Variants in PLAGL1 observed in about 807,000 individuals in gnomAD.
PLAGL1 encodes the protein zinc finger protein PLAGL1.
Under a neutral mutation model 4.6 loss-of-function variants are expected in PLAGL1, and 1 was observed. The ratio of observed to expected loss-of-function variants is 0.22; its 90% confidence interval spans 0.08 to 1.03. The LOEUF is 1.03. Ranked by LOEUF, PLAGL1 falls within the 50% of genes least tolerant of loss-of-function variation. PLAGL1 has a pLI of 0.58. For missense variants in PLAGL1, 464 were observed against 570.4 expected, an observed-to-expected ratio of 0.81 and a Z score of 1.90; for synonymous variants, 240 against 237.8, an observed-to-expected ratio of 1.01 and a Z score of -0.08.
chr6:143,997,387 C>T lies in PLAGL1; in HGVS notation c.-584+10703G>A, dbSNP rs543595852. Among the ~76,000 whole-genome samples, 113 of 152,248 alleles carry T rather than the reference C, an allele frequency of 7.4e-4. 1 individual carries two copies. Among genetic ancestry groups the T allele is most frequent in the African/African-American group, 2.4e-3 (98 of 41,564 alleles). On this transcript the variant is annotated intron_variant, in intron 1 of 7. Coordinates refer to ENST00000674357, the MANE Select transcript of PLAGL1 (RefSeq NM_001317162.2). The surrounding 1 kb of genome is among the most constrained non-coding windows in gnomAD (Gnocchi z 4.6). ...CCCAAACTAGAACACACCCACATAG[C>T]TATTTACAAAATGGATAAACAAATT...
In PLAGL1 at chr6:144,036,763, C is replaced by A; in HGVS notation, c.-151+27705G>T. The A allele has an allele frequency of 6.0e-6, 2 of 330,690 alleles. No homozygotes were observed. Among genetic ancestry groups the A allele is most frequent in the South Asian group, 4.9e-5 (2 of 41,136 alleles). The allele number at this position is 330,690 out of a possible 1,614,324, so 20.5% of individuals were successfully genotyped here. On this transcript the variant is annotated intron_variant, in intron 1 of 3. Coordinates refer to the PLAGL1 transcript ENST00000437412. The surrounding 1 kb of genome is among the most constrained non-coding windows in gnomAD (Gnocchi z 5.1). The stretch of plus-strand genomic sequence containing the variant: ...ATTGTGCAACTTCCAGAAAACTGCT[C>A]TAAGACAAGCAAGAAGGCAGACCTG...
At chr6:143,999,946 T>G (rs1454588450) in intron 1 of PLAGL1, among the ~76,000 whole-genome samples, 2 of 152,158 alleles carry the variant, frequency 1.3e-5, no homozygotes, top group African/African-American at 4.8e-5. Flanking sequence ...CAGTTGTACC[T>G]AAATTTAAAG....
intron 2 of PLAGL1, among the ~76,000 whole-genome samples, chr6:143,977,087 C>CA (rs923957451): frequency 2.1e-5 from 3 of 145,964 alleles, no homozygotes; most frequent in Non-Finnish European, 4.6e-5. Context: ...CTCCCTTCCC[C>CA]CCCCCCAACA....
chr6:143,942,703 T>G lies in PLAGL1; in HGVS notation c.153-40A>C, dbSNP rs1778908034. The G allele has an allele frequency of 1.3e-6, 2 of 1,499,712 alleles. No homozygotes were observed. Among genetic ancestry groups the G allele is most frequent in the Non-Finnish European group, 1.8e-6 (2 of 1,096,424 alleles). The allele number at this position is 1,499,712 out of a possible 1,614,324, so 92.9% of individuals were successfully genotyped here. A position where few individuals can be genotyped will look rare whatever the true frequency, so the allele number is the denominator to read the frequency against. On this transcript the variant is annotated intron_variant, in intron 7 of 7. Coordinates refer to ENST00000674357, the MANE Select transcript of PLAGL1 (RefSeq NM_001317162.2). The surrounding 1 kb of genome is among the most constrained non-coding windows in gnomAD (Gnocchi z 7.6). ...AGAAATTTCACAATAGAGAGTTGTTTTAAGAGCTGAAGAAAGGTGTAGCAA... is the reference window on the plus strand; with the variant it reads ...AGAAATTTCACAATAGAGAGTTGTTGTAAGAGCTGAAGAAAGGTGTAGCAA...
Position 143,948,404 on chromosome 6 carries a change from G to A in PLAGL1, c.-268C>T, listed in dbSNP as rs2076684. On this transcript the variant is annotated 5_prime_UTR_variant, in exon 7 of 8. Transcript: ENST00000674357. The surrounding 1 kb of genome is among the most constrained non-coding windows in gnomAD (Gnocchi z 6.0). ...TCTGAGGCACAGGTGCGATTCAGGA[G>A]CAGAAAGGTAATCTGCATCACTATA... is the stretch of plus-strand genomic sequence containing the variant. 3 of 399,536 alleles carry A rather than the reference G, an allele frequency of 7.5e-6. 1 individual carries two copies. Among genetic ancestry groups the A allele is most frequent in the East Asian group, 8.7e-5 (2 of 22,876 alleles). 24.7% of individuals were successfully genotyped at this position (399,536 alleles called of 1,614,324 possible). A position where few individuals can be genotyped will look rare whatever the true frequency, so the allele number is the denominator to read the frequency against.
rs992542143 is a variant in PLAGL1 at position 144,050,735 on chromosome 6, A to T, written c.-151+13733T>A. On this transcript the variant is annotated intron_variant, in intron 1 of 3. Transcript: ENST00000437412. This position sits in a 1 kb window ranked among gnomAD's most constrained non-coding sequence, Gnocchi z 4.3. ...TGAGACCCTGTTTCTACAAAAAAAA[A>T]TTTTTTTTTAAGTAAATCAGGTGTG... Among the ~76,000 whole-genome samples the T allele has an allele frequency of 2.1e-4, 32 of 151,738 alleles. No individual in the cohort carries two copies. The highest frequency in any genetic ancestry group is 5.9e-4 in the Admixed American group (9 of 15,192).
Position 143,950,876 on chromosome 6 carries a change from T to A in PLAGL1, c.-324-2416A>T, listed in dbSNP as rs933420321. On this transcript the variant is annotated intron_variant, in intron 6 of 7. Transcript: ENST00000674357. The surrounding 1 kb of genome is among the most constrained non-coding windows in gnomAD (Gnocchi z 6.3). ...AATGTGCCTCTGAGAAACTGAAACT[T>A]TTACTTTATTTAACTTTAATTTAAA... Among the ~76,000 whole-genome samples the A allele has an allele frequency of 2.6e-5, 4 of 152,158 alleles. No homozygotes were observed. Among genetic ancestry groups the A allele is most frequent in the African/African-American group, 9.7e-5 (4 of 41,442 alleles).
chr6:144,062,112 T>C (rs775754413), intron 1 of PLAGL1, among the ~76,000 whole-genome samples: 5 of 152,176 alleles, frequency 3.3e-5, no homozygotes, highest in Non-Finnish European at 7.4e-5. Context: ...GCACGGTGGC[T>C]CATGCCTATA....
intron 1 of PLAGL1, chr6:144,007,701 GCAAA>G (rs758235766): frequency 1.6e-4 from 25 of 152,206 alleles, no homozygotes; most frequent in Non-Finnish European, 2.6e-4. Context: ...AGACGAAAGT[GCAAA>G]CAGTTACTGT....
rs1795569301 is a variant in PLAGL1 at position 144,016,410 on chromosome 6, C to G, written c.-150-47432G>C. On this transcript the variant is annotated intron_variant, in intron 1 of 3. Transcript: ENST00000437412. The surrounding 1 kb of genome is among the most constrained non-coding windows in gnomAD (Gnocchi z 4.2). Reference sequence around the variant, plus strand: ...AAGGGTGGATCTGCCTTCCCCAGACCACTGACTCAAATATTAATCTCTTTT... The same window carrying G: ...AAGGGTGGATCTGCCTTCCCCAGACGACTGACTCAAATATTAATCTCTTTT... Among the ~76,000 whole-genome samples the G allele has an allele frequency of 4.6e-5, 7 of 152,210 alleles. No homozygotes were observed. In the South Asian group the frequency reaches 1.4e-3, roughly 32 times the overall value.
chr6:144,053,223 C>T lies in PLAGL1; in HGVS notation c.-151+11245G>A, dbSNP rs369768413. On this transcript the variant is annotated intron_variant, in intron 1 of 3. Coordinates refer to the PLAGL1 transcript ENST00000437412. The surrounding 1 kb of genome is among the most constrained non-coding windows in gnomAD (Gnocchi z 4.0). ...AATTTTGGCTTACTGCAACCTCTGCCTCCCGGGTTCAAGCAATTCTCCTGC... is the reference window on the plus strand; with the variant it reads ...AATTTTGGCTTACTGCAACCTCTGCTTCCCGGGTTCAAGCAATTCTCCTGC... 5.9e-5 allele frequency among the ~76,000 whole-genome samples: 9 copies of T among 152,156 alleles called. No individual in the cohort carries two copies. Among genetic ancestry groups the T allele is most frequent in the African/African-American group, 2.2e-4 (9 of 41,440 alleles).
chr6:144,039,755 A>T lies in PLAGL1; in HGVS notation c.-151+24713T>A, dbSNP rs1797573763. 1.3e-5 allele frequency among the ~76,000 whole-genome samples: 2 copies of T among 152,234 alleles called. No individual in the cohort carries two copies. The highest frequency in any genetic ancestry group is 4.8e-5 in the African/African-American group (2 of 41,458). ...GGGGTATATACTAAATGCTACAGAA[A>T]TTCCATTCCTGGGTATAAATCCTAG... On this transcript the variant is annotated intron_variant, in intron 1 of 3. Coordinates refer to the PLAGL1 transcript ENST00000437412. The surrounding 1 kb of genome is among the most constrained non-coding windows in gnomAD (Gnocchi z 4.1).
intron 1 of PLAGL1, among the ~76,000 whole-genome samples, chr6:144,029,765 T>G (rs573668430): frequency 3.9e-5 from 6 of 152,298 alleles, no homozygotes; most frequent in South Asian, 2.1e-4. Context: ...GCTCACATAT[T>G]GCTGATGGGA....
Position 143,972,493 on chromosome 6 carries a change from C to T in PLAGL1, c.-543-3515G>A, listed in dbSNP as rs1243099551. 2.0e-5 allele frequency among the ~76,000 whole-genome samples: 3 copies of T among 152,142 alleles called. No individual in the cohort carries two copies. The East Asian group carries it at 5.8e-4, about 29-fold the overall frequency. ...AAAAGGTGGTAATTTTAAGATTTAT[C>T]AACTATTATAATGTCAGGCGCTAAT... On this transcript the variant is annotated intron_variant, in intron 2 of 7. Transcript: ENST00000674357. The surrounding 1 kb of genome is among the most constrained non-coding windows in gnomAD (Gnocchi z 6.8).
chr6:143,998,505 A>G (rs1190253057), intron 1 of PLAGL1, among the ~76,000 whole-genome samples: 1 of 152,234 alleles, frequency 6.6e-6, no homozygotes, highest in South Asian at 2.1e-4. Context: ...CTTACTTTGC[A>G]AAATTGTAGC....
In PLAGL1 at chr6:144,027,271, GAAAGAA is replaced by G. The variant is rs1199780365; in HGVS notation, c.-151+37191_-151+37196del. 2.9e-3 allele frequency among the ~76,000 whole-genome samples: 419 copies of G among 146,906 alleles called. 4 individuals are homozygous for G. The highest frequency in any genetic ancestry group is 0.014 in the Middle Eastern group (4 of 286). On this transcript the variant is annotated intron_variant, in intron 1 of 3. Transcript: ENST00000437412. The surrounding 1 kb of genome is among the most constrained non-coding windows in gnomAD (Gnocchi z 5.8). ...AGAAAGAAAGAAAGAAAGAAAGAAAGAAAGAAAGAAAGAAAGAAAGAAAGTTATTTG... is the reference window on the plus strand; with the variant it reads ...AGAAAGAAAGAAAGAAAGAAAGAAAGAGAAAGAAAGAAAGAAAGTTATTTG...
Position 143,979,958 on chromosome 6 carries a change from T to A in PLAGL1, c.-544+5177A>T, listed in dbSNP as rs1272716406. Among the ~76,000 whole-genome samples the A allele has an allele frequency of 6.6e-6, 1 of 152,118 alleles. No individual in the cohort carries two copies. The highest frequency in any genetic ancestry group is 1.5e-5 in the Non-Finnish European group (1 of 67,962). ...TTTCCTACCAAAGAAAGTGCTTGCA[T>A]GTTTCACCTTTTTTGAAAGATATTG... On this transcript the variant is annotated intron_variant, in intron 2 of 7. Coordinates refer to ENST00000674357, the MANE Select transcript of PLAGL1 (RefSeq NM_001317162.2). The surrounding 1 kb of genome is among the most constrained non-coding windows in gnomAD (Gnocchi z 4.6).
In PLAGL1 at chr6:143,990,362, G is replaced by A. The variant is rs551477473; in HGVS notation, c.-583-5188C>T. Among the ~76,000 whole-genome samples, 431 of 152,162 alleles carry A rather than the reference G, an allele frequency of 2.8e-3. 1 individual carries two copies. The highest frequency in any genetic ancestry group is 8.7e-3 in the African/African-American group (361 of 41,528). ...TCTCCATCCCCTGACCTCGGGATCC[G>A]CCCGCCTTGGCCTCCCAAAGTGCAG... On this transcript the variant is annotated intron_variant, in intron 1 of 7. Transcript: ENST00000674357. This position sits in a 1 kb window ranked among gnomAD's most constrained non-coding sequence, Gnocchi z 5.4.
chr6:144,057,352 T>C (rs73592669), intron 1 of PLAGL1, among the ~76,000 whole-genome samples: 18,579 of 152,244 alleles, frequency 0.12, 1,252 homozygotes, highest in Middle Eastern at 0.19. Context: ...CTAAACAAGT[T>C]GTTTATAAAT....
Sources: gnomAD v4.1 joint callset for allele counts (sites outside exome capture counted in the v4.1 genomes callset) on GRCh38, gnomAD v4.1.1 for gene constraint, Gnocchi (gnomAD v3.1) non-coding constraint, MANE v1.5 for transcripts, NCBI Gene and HGNC (gene_info 2026-07-23, HGNC 2026-07-21) for gene names.